The following ARL15 variants were observed in gnomAD, a reference collection of about 807,000 sequenced individuals.
The protein encoded by ARL15 is ARF like GTPase 15, also known as ADP-ribosylation factor-like protein 15.
Under a neutral mutation model 25.2 loss-of-function variants are expected in ARL15, and 19 were observed. The ratio of observed to expected loss-of-function variants is 0.75; its 90% confidence interval spans 0.53 to 1.10. The LOEUF (loss-of-function observed/expected upper bound fraction) is 1.10, where lower values mean the gene tolerates loss of function less well. ARL15 is among the 50% of genes least tolerant of loss of function. The probability of loss-of-function intolerance (pLI) is 0.00; values close to 1 mark genes in which losing one functional copy is unlikely to be tolerated. For missense variants in ARL15, 220 were observed against 246.0 expected (o/e 0.89, Z 0.71); for synonymous variants, 94 against 86.8 (o/e 1.08, Z -0.46).
At chr5:54,171,709 G>A in intron 2 of ARL15, 75 bp downstream of exon 2, 2 of 1,468,500 alleles carry the variant, frequency 1.4e-6, no homozygotes, top group Non-Finnish European at 1.8e-6. Context: ...AGAAGGGAGG[G>A]GATAAATTGC....
At chr5:54,040,699 T>C (rs1750315811) in intron 4 of ARL15, among the ~76,000 whole-genome samples, 1 of 152,180 alleles carries the variant, frequency 6.6e-6, no homozygotes. Flanking sequence ...TAACTACCTG[T>C]GAAGGAAGTA....
At chr5:54,298,650 C>G (rs1307007219) in intron 1 of ARL15, among the ~76,000 whole-genome samples, 1 of 152,144 alleles carries the variant, frequency 6.6e-6, no homozygotes, top group African/African-American at 2.4e-5. Context: ...CACTCCTCCA[C>G]TAATCGGCAC....
At chr5:54,253,040 T>C (rs1054911726) in intron 1 of ARL15, among the ~76,000 whole-genome samples, 1 of 152,054 alleles carries the variant, frequency 6.6e-6, no homozygotes, top group East Asian at 1.9e-4. Context: ...GTCAAGTTTT[T>C]TTTTTTAAAA....
chr5:54,133,556 G>C (rs756963102), intron 3 of ARL15, among the ~76,000 whole-genome samples: 3 of 152,144 alleles, frequency 2.0e-5, no homozygotes, highest in African/African-American at 4.8e-5. Flanking sequence ...TAGACATGTG[G>C]CCGCTATAAG....
At chr5:54,016,313 A>G (rs922986961) in intron 4 of ARL15, among the ~76,000 whole-genome samples, 7 of 152,074 alleles carry the variant, frequency 4.6e-5, no homozygotes, top group African/African-American at 1.7e-4. Flanking sequence ...TGTGAAAGAG[A>G]TGGTAAGTAG....
At chr5:53,960,005 T>C (rs543303130) in intron 4 of ARL15, among the ~76,000 whole-genome samples, 1 of 152,136 alleles carries the variant, frequency 6.6e-6, no homozygotes, top group South Asian at 2.1e-4. Flanking sequence ...TAAATATTTG[T>C]CGAAAGAATT....
At chr5:53,959,925 C>A (rs1561166359) in intron 4 of ARL15, among the ~76,000 whole-genome samples, 1 of 151,982 alleles carries the variant, frequency 6.6e-6, no homozygotes, top group Non-Finnish European at 1.5e-5. Flanking sequence ...AAGACAGGAG[C>A]ATGGCTTGTC....
intron 1 of ARL15, among the ~76,000 whole-genome samples, chr5:54,179,070 T>C (rs1754971920): frequency 6.6e-6 from 1 of 152,176 alleles, no homozygotes; most frequent in South Asian, 2.1e-4. Context: ...AGAAGTTAAG[T>C]AACTTGCCTA....
chr5:54,235,554 C>T (rs188802289), intron 1 of ARL15, among the ~76,000 whole-genome samples: 70 of 150,278 alleles, frequency 4.7e-4, no homozygotes, highest in Middle Eastern at 3.5e-3. Context: ...TACAGTGGCT[C>T]GCTCATGCCT....
chr5:54,271,434 T>TA (rs545901015), intron 1 of ARL15, among the ~76,000 whole-genome samples: 202 of 152,304 alleles, frequency 1.3e-3, no homozygotes, highest in African/African-American at 4.7e-3. Context: ...CTAGATAACT[T>TA]AGAGTATCTG....
intron 4 of ARL15, among the ~76,000 whole-genome samples, chr5:53,957,220 G>GA (rs1747189477): frequency 6.6e-6 from 1 of 151,690 alleles, no homozygotes; most frequent in South Asian, 2.1e-4. Context: ...ATGAGAGAAG[G>GA]AATTTACCAC....
chr5:54,207,402 T>C (rs1755900689), intron 1 of ARL15, among the ~76,000 whole-genome samples: 2 of 152,212 alleles, frequency 1.3e-5, no homozygotes, highest in Admixed American at 6.5e-5. Flanking sequence ...CTATTTAGTC[T>C]TATTCCTGCT....
intron 4 of ARL15, among the ~76,000 whole-genome samples, chr5:54,072,653 A>G (rs1367797269): frequency 3.3e-5 from 5 of 152,242 alleles, no homozygotes; most frequent in Admixed American, 3.3e-4. Flanking sequence ...GGGAATCAGC[A>G]CAGTGCCATA....
chr5:54,079,572 A>T lies in ARL15; in HGVS notation c.462+33630T>A, dbSNP rs1392896518. Among the ~76,000 whole-genome samples, 5 of 152,202 alleles carry T rather than the reference A, an allele frequency of 3.3e-5. No homozygotes were observed. The East Asian group carries it at 9.6e-4, about 29-fold the overall frequency. On this transcript the variant is annotated intron_variant, in intron 4 of 4. Coordinates refer to ENST00000504924, the MANE Select transcript of ARL15 (RefSeq NM_019087.3). ...TTCCCTTTCTAAATGCTATTTTCAA[A>T]TGAACAAGATAGATAGATACCTGTA...
intron 1 of ARL15, among the ~76,000 whole-genome samples, chr5:54,212,553 G>A (rs1756073403): frequency 6.6e-6 from 1 of 152,128 alleles, no homozygotes; most frequent in Non-Finnish European, 1.5e-5. Flanking sequence ...ACCAATCATG[G>A]TTCATTCATT....
chr5:53,992,325 C>CT (rs1349153724), intron 4 of ARL15, among the ~76,000 whole-genome samples: 3 of 152,198 alleles, frequency 2.0e-5, no homozygotes, highest in African/African-American at 7.2e-5. Flanking sequence ...GACAAGTAGA[C>CT]TTTCCATTTT....
intron 1 of ARL15, among the ~76,000 whole-genome samples, chr5:54,175,223 A>T (rs749711992): frequency 1.1e-4 from 17 of 152,210 alleles, no homozygotes; most frequent in Non-Finnish European, 2.2e-4. Flanking sequence ...AACTCCATTA[A>T]TATCTATTTT....
At chr5:54,128,778 G>C (rs892118187) in intron 3 of ARL15, among the ~76,000 whole-genome samples, 8 of 147,254 alleles carry the variant, frequency 5.4e-5, no homozygotes, top group Non-Finnish European at 1.5e-5. Context: ...CAATCTCAGC[G>C]CACTACAACC....
intron 4 of ARL15, among the ~76,000 whole-genome samples, chr5:53,955,807 G>A (rs1431257277): frequency 6.6e-6 from 1 of 152,144 alleles, no homozygotes; most frequent in African/African-American, 2.4e-5. Flanking sequence ...GCTGCACAGT[G>A]TACCTTATTT....
Sources: gnomAD v4.1 joint callset for allele counts (sites outside exome capture counted in the v4.1 genomes callset) on GRCh38, gnomAD v4.1.1 for gene constraint, MANE v1.5 for transcripts, NCBI Gene and HGNC (gene_info 2026-07-23, HGNC 2026-07-21) for gene names.